Variants in WDPCP observed in about 807,000 individuals in gnomAD.
WDPCP encodes the protein WD repeat-containing and planar cell polarity effector protein fritz homolog.
In WDPCP, 71 loss-of-function variants were observed where a neutral mutation model predicts 93.1. That is an observed-to-expected ratio of 0.76 (90% CI 0.63 to 0.93). WDPCP has a LOEUF of 0.93. Among genes scored for constraint, WDPCP ranks in the 40% least tolerant of loss-of-function variants. The pLI, the probability that WDPCP is intolerant of heterozygous loss-of-function variation, is 0.00. For synonymous variants in WDPCP, 315 were observed against 315.0 expected (o/e 1.00, Z 0.00); for missense variants, 844 against 887.4 (o/e 0.95, Z 0.62).
At position 63,795,729 on chromosome 2, in the gene WDPCP, G is replaced by A. The variant is rs772935237; in HGVS notation, n.308+17893C>T. 2.8e-4 allele frequency among the ~76,000 whole-genome samples: 42 copies of A among 152,266 alleles called. 1 individual carries two copies. Among genetic ancestry groups the A allele is most frequent in the Middle Eastern group, 3.4e-3 (1 of 294 alleles). On this transcript the variant is annotated intron_variant and non_coding_transcript_variant, in intron 2 of 4. Coordinates refer to the WDPCP transcript ENST00000467687. ...GAATCCTTGGCCTTCCAAAGTGCTG[G>A]AATTACAGGCATGAGCCACTGTGCC...
chr2:63,648,036 C>T (rs1036936400), intron 3 of WDPCP, among the ~76,000 whole-genome samples: 3 of 152,288 alleles, frequency 2.0e-5, no homozygotes, highest in Admixed American at 6.5e-5. Flanking sequence ...ACAGGTGCCC[C>T]GGATAGCTCC....
intron 14 of WDPCP, among the ~76,000 whole-genome samples, chr2:63,222,970 C>T (rs1374219801): frequency 6.6e-6 from 1 of 151,782 alleles, no homozygotes; most frequent in Non-Finnish European, 1.5e-5. Flanking sequence ...GTTAAGAATA[C>T]CTGATTGATA....
intron 2 of WDPCP, among the ~76,000 whole-genome samples, chr2:63,689,568 C>T (rs898872328): frequency 3.9e-5 from 6 of 152,104 alleles, no homozygotes; most frequent in African/African-American, 1.2e-4. Context: ...GTAGTACAGA[C>T]GTATTCAGGA....
At chr2:63,267,167 C>A (rs1388822978) in intron 13 of WDPCP, among the ~76,000 whole-genome samples, 1 of 152,126 alleles carries the variant, frequency 6.6e-6, no homozygotes, top group East Asian at 1.9e-4. Flanking sequence ...AGCCCAGATA[C>A]AAATCCAAGT....
In WDPCP at chr2:63,374,903, C is replaced by T. The variant is rs539826993; in HGVS notation, c.1748+3483G>A. 4.6e-5 allele frequency among the ~76,000 whole-genome samples: 7 copies of T among 152,116 alleles called. No individual in the cohort carries two copies. The East Asian group carries it at 1.4e-3, about 29-fold the overall frequency. ...ACAAAGGAAAATGCAGACATCAATA[C>T]ATTACCCCACCAATATTTCATAACC... On this transcript the variant is annotated intron_variant, in intron 12 of 17. Transcript: ENST00000272321.
At chr2:63,831,688 T>C (rs1481379148), upstream of WDPCP, among the ~76,000 whole-genome samples, 1 of 151,920 alleles carries the variant, frequency 6.6e-6, no homozygotes, top group African/African-American at 2.4e-5. Context: ...TGTGTGTATA[T>C]ATATATATAT....
chr2:63,248,945 T>C (rs951965278), intron 14 of WDPCP, among the ~76,000 whole-genome samples: 2 of 152,096 alleles, frequency 1.3e-5, no homozygotes, highest in South Asian at 2.1e-4. Context: ...GTTCTTTATA[T>C]GGTTTCCTTT....
chr2:63,803,588 A>G (rs1360753814), intron 2 of WDPCP, among the ~76,000 whole-genome samples: 1 of 152,144 alleles, frequency 6.6e-6, no homozygotes, highest in Non-Finnish European at 1.5e-5. Context: ...GGTACTTTTT[A>G]ATGGCTGTTA....
At chr2:63,458,023 C>T (rs1413484345) in intron 6 of WDPCP, among the ~76,000 whole-genome samples, 1 of 151,182 alleles carries the variant, frequency 6.6e-6, no homozygotes, top group Non-Finnish European at 1.5e-5. Context: ...ACTTGGGAGG[C>T]TGAGGCAGGA....
chr2:63,204,499 G>A (rs887649895), intron 14 of WDPCP, among the ~76,000 whole-genome samples: 7 of 151,642 alleles, frequency 4.6e-5, no homozygotes, highest in East Asian at 1.9e-4. Flanking sequence ...CTGCCACCAC[G>A]CCCGGATAAT....
chr2:63,572,482 C>A (rs898327546), intron 1 of WDPCP, among the ~76,000 whole-genome samples: 2 of 151,738 alleles, frequency 1.3e-5, no homozygotes, highest in Admixed American at 6.6e-5. Flanking sequence ...GTGGGCGGAT[C>A]ACCTGAGGTC....
chr2:63,683,185 G>T (rs1285356752), intron 2 of WDPCP, among the ~76,000 whole-genome samples: 1 of 152,060 alleles, frequency 6.6e-6, no homozygotes. Flanking sequence ...AAAAGGATGA[G>T]AAGACCACAA....
intron 1 of WDPCP, among the ~76,000 whole-genome samples, chr2:63,532,513 A>G (rs746696210): frequency 4.6e-5 from 7 of 152,218 alleles, no homozygotes; most frequent in Non-Finnish European, 8.8e-5. Context: ...CGGATCTCTC[A>G]GCAGAAACTC....
At chr2:63,283,494 G>A (rs898604223) in intron 13 of WDPCP, among the ~76,000 whole-genome samples, 1 of 152,172 alleles carries the variant, frequency 6.6e-6, no homozygotes, top group African/African-American at 2.4e-5. Context: ...TTATTAGAAC[G>A]TAGCCATACT....
intron 2 of WDPCP, among the ~76,000 whole-genome samples, chr2:63,768,622 T>C (rs1322648095): frequency 6.6e-6 from 1 of 151,974 alleles, no homozygotes; most frequent in East Asian, 1.9e-4. Flanking sequence ...ACAGCCAGAG[T>C]TGTGAACACT....
intron 3 of WDPCP, among the ~76,000 whole-genome samples, chr2:63,595,774 A>G (rs1421266310): frequency 6.6e-6 from 1 of 152,226 alleles, no homozygotes; most frequent in Non-Finnish European, 1.5e-5. Context: ...TATACCAGTT[A>G]AGTGTAATAT....
At chr2:63,531,775 A>G (rs1046948290) in intron 1 of WDPCP, among the ~76,000 whole-genome samples, 3 of 152,258 alleles carry the variant, frequency 2.0e-5, no homozygotes, top group Non-Finnish European at 2.9e-5. Context: ...AGAAAAGCTG[A>G]AAATTCTAAA....
rs142275526 is a variant in WDPCP at position 63,684,391 on chromosome 2, T to C, written n.309-33553A>G. The C allele has an allele frequency of 1.1e-3, 827 of 782,670 alleles. 15 individuals are homozygous for C. The East Asian group carries it at 0.02, about 19-fold the overall frequency. 48.5% of individuals were successfully genotyped at this position (782,670 alleles called of 1,614,324 possible). A position where few individuals can be genotyped will look rare whatever the true frequency, so the allele number is the denominator to read the frequency against. ...CGCAAAGCCATCATCATGAAGAACATTGATGATGGCACCTCAGATCGCCCC... is the reference window on the plus strand; with the variant it reads ...CGCAAAGCCATCATCATGAAGAACACTGATGATGGCACCTCAGATCGCCCC... On this transcript the variant is annotated intron_variant and non_coding_transcript_variant, in intron 2 of 4. Transcript: ENST00000467687.
chr2:63,579,417 C>T (rs1708344086), intron 1 of WDPCP, among the ~76,000 whole-genome samples: 1 of 152,144 alleles, frequency 6.6e-6, no homozygotes, highest in Non-Finnish European at 1.5e-5. Context: ...TGAGACCAGC[C>T]TGGCCAACAT....
Sources: allele counts gnomAD v4.1 joint callset (sites outside exome capture counted in the v4.1 genomes callset), GRCh38; gene constraint gnomAD v4.1.1; transcripts MANE v1.5; gene names NCBI Gene and HGNC (gene_info 2026-07-23, HGNC 2026-07-21).